ZBTB10: variants seen among roughly 807,000 people sequenced by gnomAD.
ZBTB10 encodes the protein zinc finger and BTB domain-containing protein 10.
A neutral mutation model predicts 76.4 loss-of-function variants in ZBTB10; 32 were observed. The observed-to-expected ratio is 0.42, with a 90% CI of 0.32 to 0.56. The LOEUF (loss-of-function observed/expected upper bound fraction) is 0.56. ZBTB10 is among the 20% of genes least tolerant of loss of function. The pLI is 0.14. For missense variants in ZBTB10, 1,057 were observed against 1,098.5 expected (o/e 0.96, Z 0.53); for synonymous variants, 523 against 432.9 (o/e 1.21, Z -2.58).
chr8:80,497,122 T>C (rs775114437), intron 1 of ZBTB10, among the ~76,000 whole-genome samples: 4 of 152,218 alleles, frequency 2.6e-5, no homozygotes, highest in African/African-American at 4.8e-5. Context: ...AAGTAATTGT[T>C]ACAGGTGTTT....
chr8:80,497,063 G>A (rs1005864078), intron 1 of ZBTB10, among the ~76,000 whole-genome samples: 1 of 152,090 alleles, frequency 6.6e-6, no homozygotes, highest in Non-Finnish European at 1.5e-5. Context: ...AGTCTCAAAA[G>A]GGAAACCAAG....
At chr8:80,505,055 A>C (rs775112798) in intron 2 of ZBTB10, among the ~76,000 whole-genome samples, 7 of 152,220 alleles carry the variant, frequency 4.6e-5, no homozygotes, top group Non-Finnish European at 1.0e-4. Context: ...TATTATAAAT[A>C]ATTTTACTCT....
At position 80,518,833 on chromosome 8, in the gene ZBTB10, T is replaced by C; in HGVS notation, c.2189T>C (p.Val730Ala). ...TTAAAATGCCCTCATTGTAGCTATG[T>C]AGCCAAATACAGACGAACACTAAAA... ...NKLKCPHCSYVAKYRRTLKRH... is the reference protein window; with the variant it reads ...NKLKCPHCSYAAKYRRTLKRH... The change falls in exon 5 of 6, where the codon GTA becomes GCA. Residue 730 changes from valine (V) to alanine (A), a missense_variant. Val to Ala is a moderately conservative substitution (Grantham distance 64). This residue lies in a region of ZBTB10 where 54 missense variants were observed against 138.1 expected (regional missense o/e 0.39). Transcript: ENST00000455036. The C allele has an allele frequency of 3.1e-6, 5 of 1,612,860 alleles. No homozygotes were observed. Among genetic ancestry groups the C allele is most frequent in the Non-Finnish European group, 4.2e-6 (5 of 1,179,414 alleles).
intron 1 of ZBTB10, among the ~76,000 whole-genome samples, chr8:80,488,520 G>A (rs1364125135): frequency 6.6e-6 from 1 of 152,146 alleles, no homozygotes; most frequent in Non-Finnish European, 1.5e-5. Flanking sequence ...TTTCCAATAA[G>A]TACTTTAAGC....
chr8:80,518,382 C>G (rs1816382393), intron 3 of ZBTB10, 21 bp from the exon 4 acceptor site: 1 of 1,531,768 alleles, frequency 6.5e-7, no homozygotes. Flanking sequence ...ATTATTAATT[C>G]AGAATTTTTA....
In ZBTB10 at chr8:80,519,373, G is replaced by T. The variant is rs1225798223; in HGVS notation, c.2461G>T (p.Asp821Tyr). 6.2e-7 allele frequency: 1 copy of T among 1,613,516 alleles called. No homozygotes were observed. Among genetic ancestry groups the T allele is most frequent in the Non-Finnish European group, 8.5e-7 (1 of 1,179,746 alleles). The change falls in exon 6 of 6, where the codon GAT becomes TAT. Residue 821 changes from aspartate to tyrosine, a missense_variant. By Grantham distance (160) the Asp-to-Tyr change is radical. Transcript: ENST00000455036. ...ACAGCCAGGAGGGCAAGAAGGTGTA[G>T]ATCAGGGACAGGATACAGAATTCCC... is the stretch of plus-strand genomic sequence containing the variant. Reference protein sequence around the residue: ...KSQPGGQEGVDQGQDTEFPRD... With the variant: ...KSQPGGQEGVYQGQDTEFPRD...
intron 2 of ZBTB10, among the ~76,000 whole-genome samples, chr8:80,506,942 ATAAT>A (rs967570934): frequency 6.7e-6 from 1 of 149,162 alleles, no homozygotes; most frequent in Non-Finnish European, 1.5e-5. Context: ...GGGGGTTCTA[ATAAT>A]TAGGGGGAGG....
chr8:80,504,019 C>T (rs1037909590), intron 2 of ZBTB10, among the ~76,000 whole-genome samples: 2 of 152,080 alleles, frequency 1.3e-5, no homozygotes, highest in Non-Finnish European at 2.9e-5. Flanking sequence ...AACGTTAAGG[C>T]CTTCCCAAGG....
chr8:80,498,115 T>C (rs1440756962), intron 1 of ZBTB10, among the ~76,000 whole-genome samples: 1 of 152,240 alleles, frequency 6.6e-6, no homozygotes, highest in East Asian at 1.9e-4. Flanking sequence ...AAAATTTTTA[T>C]GATTTAGCCA....
At chr8:80,498,498 A>G (rs928204694) in intron 1 of ZBTB10, among the ~76,000 whole-genome samples, 3 of 152,220 alleles carry the variant, frequency 2.0e-5, no homozygotes, top group African/African-American at 7.2e-5. Flanking sequence ...TTTGTTTAGC[A>G]AAGTGTGGCA....
intron 2 of ZBTB10, among the ~76,000 whole-genome samples, chr8:80,507,087 A>G (rs753452921): frequency 2.7e-5 from 4 of 146,506 alleles, no homozygotes; most frequent in Admixed American, 6.8e-5. Flanking sequence ...AGGCAGGTGG[A>G]TCACGAGGGC....
At chr8:80,499,367 C>G (rs1195355018) in intron 1 of ZBTB10, 127 bp from the exon 2 acceptor site, 20 of 1,078,468 alleles carry the variant, frequency 1.9e-5, no homozygotes, top group Admixed American at 3.2e-5. Context: ...CACTCCATTT[C>G]TTGATTACTC....
chr8:80,507,732 C>G (rs1473420829), intron 2 of ZBTB10, among the ~76,000 whole-genome samples: 3 of 152,134 alleles, frequency 2.0e-5, no homozygotes, highest in Non-Finnish European at 2.9e-5. Context: ...CCTGGGCACA[C>G]CTACAGGCAT....
upstream of ZBTB10, chr8:80,485,724 G>C (rs1414326084): frequency 2.0e-6 from 3 of 1,482,672 alleles, no homozygotes; most frequent in African/African-American, 4.2e-5. Flanking sequence ...GCCTGGTCCA[G>C]TCTTTGTGAA....
chr8:80,487,239 C>T lies in ZBTB10; in HGVS notation c.429C>T (p.Pro143=), dbSNP rs761480119. The change falls in exon 1 of 6, where the codon CCC becomes CCT. Residue 143 remains proline (P), a synonymous_variant. Coordinates refer to ENST00000455036, the MANE Select transcript of ZBTB10 (RefSeq NM_001105539.3). Reference sequence around the variant, plus strand: ...ACAATGGCAGTAGCCGCGGCCGCCCCGAGACCTCGGTGTGGCCCTTGAGGC... The same window carrying T: ...ACAATGGCAGTAGCCGCGGCCGCCCTGAGACCTCGGTGTGGCCCTTGAGGC... ...LGNNGSSRGR[P]ETSVWPLRHF... 4 of 1,548,822 alleles carry T rather than the reference C, an allele frequency of 2.6e-6. No homozygotes were observed. In the South Asian group the frequency reaches 3.6e-5, roughly 14 times the overall value.
chr8:80,497,227 TC>T (rs564484201), intron 1 of ZBTB10, among the ~76,000 whole-genome samples: 68 of 152,154 alleles, frequency 4.5e-4, no homozygotes, highest in Non-Finnish European at 1.3e-4. Context: ...GTTTTTTTTT[TC>T]TTTTAACCAA....
At chr8:80,504,027 A>C (rs1179721721) in intron 2 of ZBTB10, among the ~76,000 whole-genome samples, 3 of 152,206 alleles carry the variant, frequency 2.0e-5, no homozygotes, top group African/African-American at 7.2e-5. Context: ...GGCCTTCCCA[A>C]GGTCATTCAG....
chr8:80,498,576 T>G (rs1815844964), intron 1 of ZBTB10, among the ~76,000 whole-genome samples: 1 of 152,210 alleles, frequency 6.6e-6, no homozygotes, highest in Admixed American at 6.5e-5. Flanking sequence ...CTAGTCACTG[T>G]ATGAGGAAAG....
At chr8:80,492,764 A>G (rs575518774) in intron 1 of ZBTB10, among the ~76,000 whole-genome samples, 18 of 152,072 alleles carry the variant, frequency 1.2e-4, no homozygotes, top group Non-Finnish European at 2.5e-4. Flanking sequence ...GGCGTGAGTC[A>G]CGCACCCGGC....
Sources: gnomAD v4.1 joint callset for allele counts (sites outside exome capture counted in the v4.1 genomes callset) on GRCh38, gnomAD v4.1.1 for gene constraint, gnomAD v4.1.1 regional missense constraint, MANE v1.5 for transcripts, NCBI Gene and HGNC (gene_info 2026-07-23, HGNC 2026-07-21) for gene names.